PDZRN3: variants seen among roughly 807,000 people sequenced by gnomAD.
PDZRN3 encodes PDZ domain containing ring finger 3.
A neutral mutation model predicts 85.7 loss-of-function variants in PDZRN3; 38 were observed. The observed-to-expected ratio is 0.44, with a 90% confidence interval of 0.34 to 0.58. The LOEUF is 0.58. Among genes scored for constraint, PDZRN3 ranks in the 20% least tolerant of loss-of-function variants. PDZRN3 has a pLI of 0.01. For synonymous variants in PDZRN3, 759 were observed against 638.0 expected (o/e 1.19, Z -2.86); for missense variants, 1,629 against 1,506.4 (o/e 1.08, Z -1.35).
rs1265913057 is a variant in PDZRN3 at position 73,524,371 on chromosome 3, AC to A, written c.918+77982del. ...AAAAACCACAGTGATGCATATTACCACCAGCTATCAAGGCAATCACAGGGAG... is the reference window on the plus strand; with the variant it reads ...AAAAACCACAGTGATGCATATTACCACAGCTATCAAGGCAATCACAGGGAG... On this transcript the variant is annotated intron_variant, in intron 3 of 9. Coordinates refer to ENST00000263666, the MANE Select transcript of PDZRN3 (RefSeq NM_015009.3). 5.3e-5 allele frequency among the ~76,000 whole-genome samples: 8 copies of A among 152,350 alleles called. No homozygotes were observed. In the East Asian group the frequency reaches 1.3e-3, roughly 26 times the overall value.
intron 3 of PDZRN3, among the ~76,000 whole-genome samples, chr3:73,505,596 C>T (rs1034608437): frequency 5.3e-5 from 8 of 152,082 alleles, no homozygotes; most frequent in African/African-American, 1.9e-4. Context: ...GTCAAGCCTT[C>T]GAAGCTTGGA....
intron 2 of PDZRN3, among the ~76,000 whole-genome samples, chr3:73,604,350 T>C (rs974408603): frequency 2.0e-4 from 31 of 152,280 alleles, no homozygotes; most frequent in East Asian, 5.8e-4. Context: ...TGTTTAATCC[T>C]CACAATAACC....
intron 1 of PDZRN3, among the ~76,000 whole-genome samples, chr3:73,621,486 C>T (rs1702859709): frequency 6.6e-6 from 1 of 152,142 alleles, no homozygotes; most frequent in Admixed American, 6.5e-5. Context: ...ATAAACAGTA[C>T]CCAGCAGGAG....
At chr3:73,391,484 C>T (rs1464427102) in intron 5 of PDZRN3, among the ~76,000 whole-genome samples, 1 of 152,180 alleles carries the variant, frequency 6.6e-6, no homozygotes, top group East Asian at 1.9e-4. Context: ...CATTTCAGTA[C>T]AAATGTTTCC....
intron 3 of PDZRN3, among the ~76,000 whole-genome samples, chr3:73,587,841 C>G (rs1016586558): frequency 6.6e-6 from 1 of 152,206 alleles, no homozygotes; most frequent in Non-Finnish European, 1.5e-5. Flanking sequence ...CTGTCAATCT[C>G]TAACCCAAGT....
At chr3:73,428,692 GA>G (rs1702368456) in intron 3 of PDZRN3, among the ~76,000 whole-genome samples, 1 of 152,180 alleles carries the variant, frequency 6.6e-6, no homozygotes, top group Admixed American at 6.5e-5. Context: ...TGAAAGAAGA[GA>G]GGTAATCTCT....
intron 2 of PDZRN3, among the ~76,000 whole-genome samples, chr3:73,605,197 AC>A (rs1401962216): frequency 1.5e-5 from 2 of 134,404 alleles, no homozygotes; most frequent in African/African-American, 3.2e-5. Flanking sequence ...ACAGAGTGAG[AC>A]CCCCGTCTCA....
At chr3:73,450,989 T>C (rs1467243330) in intron 3 of PDZRN3, among the ~76,000 whole-genome samples, 1 of 151,924 alleles carries the variant, frequency 6.6e-6, no homozygotes, top group Non-Finnish European at 1.5e-5. Flanking sequence ...ATTTGGAGTT[T>C]TCAGGCCATT....
Position 73,383,699 on chromosome 3 carries a change from C to A in PDZRN3, c.2867G>T (p.Gly956Val), listed in dbSNP as rs747778714. The change falls in exon 10 of 10, where the codon GGC (glycine) becomes GTC (valine). Residue 956 changes from glycine (G) to valine (V), a missense_variant. Gly to Val is a moderately radical substitution (Grantham distance 109). Transcript: ENST00000263666. The part of the protein sequence containing the change: ...RALKIREERS[G>V]MTTDDDAVSE... ...CACCGCGTCGTCGTCGGTGGTCATGCCGCTGCGCTCTTCCCGGATCTTCAG... is the reference window on the plus strand; with the variant it reads ...CACCGCGTCGTCGTCGGTGGTCATGACGCTGCGCTCTTCCCGGATCTTCAG... 2 of 1,611,612 alleles carry A rather than the reference C, an allele frequency of 1.2e-6. No homozygotes were observed. The highest frequency in any genetic ancestry group is 1.7e-6 in the Non-Finnish European group (2 of 1,180,010).
intron 3 of PDZRN3, among the ~76,000 whole-genome samples, chr3:73,513,567 C>T (rs1481631663): frequency 1.3e-5 from 2 of 152,178 alleles, no homozygotes; most frequent in Non-Finnish European, 2.9e-5. Context: ...TTCCTAACTA[C>T]AGCCACTGTT....
At chr3:73,580,993 G>C (rs1429215386) in intron 3 of PDZRN3, among the ~76,000 whole-genome samples, 1 of 152,220 alleles carries the variant, frequency 6.6e-6, no homozygotes, top group African/African-American at 2.4e-5. Flanking sequence ...GAAGCAACCA[G>C]CAACAGATTT....
intron 5 of PDZRN3, among the ~76,000 whole-genome samples, chr3:73,398,863 C>T (rs988423770): frequency 6.6e-6 from 1 of 152,212 alleles, no homozygotes; most frequent in Middle Eastern, 3.4e-3. Flanking sequence ...CTGCTTGACG[C>T]AGTGGTATAG....
chr3:73,421,268 A>AGCTTCAGCTTCCTGAGC (rs1254690754), intron 3 of PDZRN3, among the ~76,000 whole-genome samples: 7 of 152,152 alleles, frequency 4.6e-5, no homozygotes, highest in African/African-American at 1.7e-4. Context: ...AACAGCTCAT[A>AGCTTCAGCTTCCTGAGC]TTCCTGAGCT....
At chr3:73,566,297 T>A (rs1701949381) in intron 3 of PDZRN3, among the ~76,000 whole-genome samples, 1 of 152,164 alleles carries the variant, frequency 6.6e-6, no homozygotes, top group African/African-American at 2.4e-5. Flanking sequence ...TCACAAGTCT[T>A]TAGATTAAAA....
At chr3:73,542,048 A>G (rs1704936848) in intron 3 of PDZRN3, among the ~76,000 whole-genome samples, 1 of 152,204 alleles carries the variant, frequency 6.6e-6, no homozygotes, top group African/African-American at 2.4e-5. Flanking sequence ...GGGGAAAAAA[A>G]GAGAAGATAA....
At chr3:73,579,098 T>C (rs1315248863) in intron 3 of PDZRN3, among the ~76,000 whole-genome samples, 2 of 152,108 alleles carry the variant, frequency 1.3e-5, no homozygotes, top group African/African-American at 2.4e-5. Context: ...AGGTGGGGTC[T>C]TGGGGAGGTG....
Position 73,384,353 on chromosome 3 carries a change from T to G in PDZRN3, c.2213A>C (p.His738Pro). Residue 738 changes from histidine to proline, a missense_variant, in exon 10 of 10, where the codon CAC becomes CCC. By Grantham distance (77) the His-to-Pro change is moderately conservative. Transcript: ENST00000263666. The part of the protein sequence containing the change: ...NYNTSIDVRR[H>P]ELSDITELPE... ...GAGCTCGGTGATATCTGAGAGCTCG[T>G]GTCTGCGCACGTCGATGCTGGTGTT... is the stretch of plus-strand genomic sequence containing the variant. 1.2e-6 allele frequency: 2 copies of G among 1,610,052 alleles called. No homozygotes were observed. Among genetic ancestry groups the G allele is most frequent in the Non-Finnish European group, 1.7e-6 (2 of 1,179,966 alleles).
chr3:73,397,606 T>C (rs892555507), intron 5 of PDZRN3, among the ~76,000 whole-genome samples: 2 of 152,230 alleles, frequency 1.3e-5, no homozygotes, highest in African/African-American at 4.8e-5. Context: ...AACAGAGCAA[T>C]GCTGGAGGCG....
At chr3:73,563,458 T>C (rs1302515804) in intron 3 of PDZRN3, among the ~76,000 whole-genome samples, 1 of 152,136 alleles carries the variant, frequency 6.6e-6, no homozygotes, top group Non-Finnish European at 1.5e-5. Context: ...TTACACAGAC[T>C]AAAACCTTAT....
Sources: allele counts gnomAD v4.1 joint callset (sites outside exome capture counted in the v4.1 genomes callset), GRCh38; gene constraint gnomAD v4.1.1; transcripts MANE v1.5; gene names NCBI Gene and HGNC (gene_info 2026-07-23, HGNC 2026-07-21).